Variants in COP1 observed in about 807,000 individuals in gnomAD.
COP1 encodes E3 ubiquitin-protein ligase COP1.
In COP1, 24 loss-of-function variants were observed where a neutral mutation model predicts 101.3. That is an observed-to-expected ratio of 0.24 (90% CI 0.17 to 0.33). COP1 has a LOEUF of 0.33. COP1 is among the 10% of genes least tolerant of loss of function. The pLI, the probability that COP1 is intolerant of heterozygous loss-of-function variation, is 1.00. For missense variants in COP1, 663 were observed against 906.2 expected (o/e 0.73, Z 3.45); for synonymous variants, 347 against 341.9 (o/e 1.01, Z -0.17).
At chr1:176,095,087 C>T (rs1476566100) in intron 9 of COP1, among the ~76,000 whole-genome samples, 1 of 152,126 alleles carries the variant, frequency 6.6e-6, no homozygotes, top group Non-Finnish European at 1.5e-5. Flanking sequence ...TCTACAAATA[C>T]TTTTTTCTCA....
intron 8 of COP1, among the ~76,000 whole-genome samples, chr1:176,128,086 T>G (rs1688321382): frequency 6.6e-6 from 1 of 152,118 alleles, no homozygotes; most frequent in Non-Finnish European, 1.5e-5. Flanking sequence ...GGTGTTTCAT[T>G]GAGTATTTGT....
chr1:175,995,694 C>T (rs573136191), intron 15 of COP1, among the ~76,000 whole-genome samples: 1 of 152,120 alleles, frequency 6.6e-6, no homozygotes, highest in East Asian at 1.9e-4. Context: ...AAGACTAAAC[C>T]AGGAAGAAAT....
At chr1:176,058,772 A>AG (rs1225276111) in intron 11 of COP1, among the ~76,000 whole-genome samples, 1 of 150,928 alleles carries the variant, frequency 6.6e-6, no homozygotes, top group African/African-American at 2.4e-5. Flanking sequence ...AAAAAAAAAA[A>AG]GAATGTGACC....
rs759837779 is a variant in COP1, at chr1:176,206,682, T to C, written c.297A>G (p.Val99=). The C allele has an allele frequency of 3.1e-6, 5 of 1,608,268 alleles. No individual in the cohort carries two copies. The Admixed American group carries it at 8.3e-5, about 27-fold the overall frequency. The part of the protein sequence containing the change: ...HSCAARPSAG[V]GGSSSSLGSG... ...TGCCTAGGCTGGAGCTGCTGCCTCC[T>C]ACGCCGGCGCTGGGCCTGGCCGCGC... is the stretch of plus-strand genomic sequence containing the variant. Residue 99 remains valine, a synonymous_variant, in exon 1 of 20, where the codon GTA becomes GTG. Transcript: ENST00000367669.
chr1:175,992,105 G>C (rs1270871754), intron 15 of COP1, among the ~76,000 whole-genome samples: 1 of 152,050 alleles, frequency 6.6e-6, no homozygotes, highest in Non-Finnish European at 1.5e-5. Context: ...TATTATAGTT[G>C]GTATATACAC....
chr1:175,953,119 A>C (rs1650160891), intron 18 of COP1, among the ~76,000 whole-genome samples: 1 of 152,212 alleles, frequency 6.6e-6, no homozygotes, highest in South Asian at 2.1e-4. Flanking sequence ...AAAGGGGAGA[A>C]TAGAAGTATA....
At chr1:176,188,929 C>T (rs780864502) in intron 1 of COP1, among the ~76,000 whole-genome samples, 1 of 151,974 alleles carries the variant, frequency 6.6e-6, no homozygotes, top group Non-Finnish European at 1.5e-5. Flanking sequence ...ATTGAAGTCA[C>T]AGATGACAGA....
Position 175,944,867 on chromosome 1 carries a change from T to C in COP1, c.*286A>G. On this transcript the variant is annotated 3_prime_UTR_variant, in exon 20 of 20. Coordinates refer to ENST00000367669, the MANE Select transcript of COP1 (RefSeq NM_022457.7). ...AAACTTTTATTGTTTTGTTATTTAT[T>C]TTTATTCAAAAGAATTTGTTTCCCT... is the stretch of plus-strand genomic sequence containing the variant. 2.5e-6 allele frequency: 1 copy of C among 393,146 alleles called. No homozygotes were observed. Among genetic ancestry groups the C allele is most frequent in the South Asian group, 6.0e-5 (1 of 16,608 alleles). 24.4% of individuals were successfully genotyped at this position (393,146 alleles called of 1,614,324 possible).
At chr1:176,161,032 T>C (rs1269834994) in intron 5 of COP1, among the ~76,000 whole-genome samples, 1 of 152,228 alleles carries the variant, frequency 6.6e-6, no homozygotes, top group African/African-American at 2.4e-5. Flanking sequence ...AGATACCTGA[T>C]GGTCCCAATC....
chr1:176,013,914 C>A (rs1665132795), intron 15 of COP1, among the ~76,000 whole-genome samples: 1 of 152,130 alleles, frequency 6.6e-6, no homozygotes, highest in African/African-American at 2.4e-5. Flanking sequence ...TGTTTTACAG[C>A]TGTATGAAAG....
chr1:176,090,206 C>T (rs1681010945), intron 9 of COP1, among the ~76,000 whole-genome samples: 1 of 152,072 alleles, frequency 6.6e-6, no homozygotes, highest in African/African-American at 2.4e-5. Context: ...ATCCCTGTTC[C>T]CACCCCCTGT....
intron 15 of COP1, among the ~76,000 whole-genome samples, chr1:176,001,671 C>T (rs1233361973): frequency 6.6e-6 from 1 of 151,930 alleles, no homozygotes; most frequent in Non-Finnish European, 1.5e-5. Context: ...TTTTATATAC[C>T]GATATGATTA....
chr1:176,055,976 A>C (rs909584102), intron 11 of COP1, among the ~76,000 whole-genome samples: 2 of 152,052 alleles, frequency 1.3e-5, no homozygotes, highest in African/African-American at 4.8e-5. Context: ...CTTTAGAGTA[A>C]GGAGTTTTAT....
intron 2 of COP1, among the ~76,000 whole-genome samples, chr1:176,183,639 A>T (rs934111691): frequency 5.3e-5 from 8 of 152,188 alleles, no homozygotes; most frequent in Non-Finnish European, 8.8e-5. Flanking sequence ...AGTCCTAAAG[A>T]GATGTTTGTA....
intron 11 of COP1, among the ~76,000 whole-genome samples, chr1:176,074,288 CGTT>C (rs1419463738): frequency 6.6e-6 from 1 of 151,840 alleles, no homozygotes; most frequent in African/African-American, 2.4e-5. Flanking sequence ...AATTAGAAGG[CGTT>C]GAAGTAAATT....
At chr1:175,947,045 CT>C in intron 19 of COP1, 149 bp downstream of exon 19, 4 of 659,190 alleles carry the variant, frequency 6.1e-6, no homozygotes, top group Middle Eastern at 3.4e-4. Context: ...GCTACCTATT[CT>C]TTTCCCTTAA....
chr1:175,989,369 C>A lies in COP1; in HGVS notation c.1840G>T (p.Val614Phe), dbSNP rs1657873923. 6.5e-7 allele frequency: 1 copy of A among 1,541,602 alleles called. No homozygotes were observed. Among genetic ancestry groups the A allele is most frequent in the Non-Finnish European group, 9.0e-7 (1 of 1,114,116 alleles). The change falls in exon 16 of 20, where the codon GTC becomes TTC. Residue 614 changes from valine (V) to phenylalanine (F), a missense_variant. Physicochemically the swap from Val to Phe is conservative, Grantham distance 50. This residue lies in a region of COP1 where 209 missense variants were observed against 383.3 expected (regional missense o/e 0.55). Coordinates refer to ENST00000367669, the MANE Select transcript of COP1 (RefSeq NM_022457.7). ...YAKFVSGEEI[V>F]SASTDSQLKL... Reference sequence around the variant, plus strand: ...GAGGAGAGTAATACTCACGCAGAGACAATTTCCTCACCACTCACAAACTTT... The same window carrying A: ...GAGGAGAGTAATACTCACGCAGAGAAAATTTCCTCACCACTCACAAACTTT...
chr1:176,135,609 A>C (rs1689674316), intron 7 of COP1, among the ~76,000 whole-genome samples: 1 of 152,042 alleles, frequency 6.6e-6, no homozygotes, highest in South Asian at 2.1e-4. Flanking sequence ...TTGTTTAATA[A>C]TGACTTAGAC....
intron 18 of COP1, among the ~76,000 whole-genome samples, chr1:175,956,689 C>T (rs376736964): frequency 5.9e-5 from 9 of 152,260 alleles, no homozygotes; most frequent in Admixed American, 2.6e-4. Context: ...TTTTGGTCAA[C>T]GATGGGTCAC....
Sources: gnomAD v4.1 joint callset for allele counts (sites outside exome capture counted in the v4.1 genomes callset) on GRCh38, gnomAD v4.1.1 for gene constraint, gnomAD v4.1.1 regional missense constraint, MANE v1.5 for transcripts, NCBI Gene and HGNC (gene_info 2026-07-23, HGNC 2026-07-21) for gene names.